The following SPPL3 variants were observed in gnomAD, a reference collection of about 807,000 sequenced individuals.
SPPL3 encodes the protein signal peptide peptidase like 3, also known as signal peptide peptidase-like 3.
Under a neutral mutation model 42.4 loss-of-function variants are expected in SPPL3, and 5 were observed. That is an observed-to-expected ratio of 0.12 (90% CI 0.06 to 0.25). The LOEUF (loss-of-function observed/expected upper bound fraction) is 0.25, where lower values mean the gene tolerates loss of function less well. SPPL3 is among the 10% of genes least tolerant of loss of function. The pLI is 1.00. For synonymous variants in SPPL3, 195 were observed against 181.8 expected (o/e 1.07, Z -0.58); for missense variants, 235 against 489.0 (o/e 0.48, Z 4.90).
At chr12:120,812,218 T>G (rs1263401104) in intron 1 of SPPL3, among the ~76,000 whole-genome samples, 1 of 151,684 alleles carries the variant, frequency 6.6e-6, no homozygotes, top group Non-Finnish European at 1.5e-5. Flanking sequence ...CACTGCAACC[T>G]CCGCCTCCTG....
intron 5 of SPPL3, 151 bp downstream of exon 5, chr12:120,783,523 G>A (rs1869612691): frequency 1.5e-6 from 1 of 648,172 alleles, no homozygotes; most frequent in African/African-American, 1.8e-5. Context: ...ACTAGCTTCT[G>A]GCTTTAAAGA....
At chr12:120,862,374 G>A (rs1319057248) in intron 1 of SPPL3, among the ~76,000 whole-genome samples, 1 of 152,114 alleles carries the variant, frequency 6.6e-6, no homozygotes, top group East Asian at 1.9e-4. Flanking sequence ...GGCCCTGCAT[G>A]TTAAGGGCTA....
At chr12:120,794,629 C>G (rs1040202460) in intron 2 of SPPL3, among the ~76,000 whole-genome samples, 1 of 152,108 alleles carries the variant, frequency 6.6e-6, no homozygotes, top group African/African-American at 2.4e-5. Context: ...AACTCCTGAC[C>G]TCATGATCCG....
intron 1 of SPPL3, among the ~76,000 whole-genome samples, chr12:120,826,372 T>C (rs1871233498): frequency 6.6e-6 from 1 of 151,600 alleles, no homozygotes; most frequent in Non-Finnish European, 1.5e-5. Context: ...TAGACCTACC[T>C]GCCTTGCCCT....
chr12:120,893,375 A>T (rs896782505), intron 1 of SPPL3, among the ~76,000 whole-genome samples: 1 of 152,158 alleles, frequency 6.6e-6, no homozygotes, highest in African/African-American at 2.4e-5. Flanking sequence ...GCGTGAAAAA[A>T]ATATATATTT....
chr12:120,879,938 A>T (rs1566068126), intron 1 of SPPL3, among the ~76,000 whole-genome samples: 1 of 151,868 alleles, frequency 6.6e-6, no homozygotes, highest in Non-Finnish European at 1.5e-5. Flanking sequence ...GAAGTTGGTG[A>T]TACTTGGAAT....
chr12:120,784,631 G>A (rs775138136), intron 3 of SPPL3, 38 bp from the exon 4 acceptor site: 1 of 1,550,566 alleles, frequency 6.4e-7, no homozygotes, highest in Non-Finnish European at 8.8e-7. Flanking sequence ...AACTTATTAT[G>A]CACCAGGCAC....
chr12:120,771,257 C>T (rs987302437), intron 6 of SPPL3, among the ~76,000 whole-genome samples: 9 of 152,232 alleles, frequency 5.9e-5, no homozygotes, highest in East Asian at 1.9e-4. Context: ...CCTGCTGTGA[C>T]GGTGACCCTT....
chr12:120,878,217 A>C (rs1235510648), intron 1 of SPPL3, among the ~76,000 whole-genome samples: 1 of 151,104 alleles, frequency 6.6e-6, no homozygotes, highest in Non-Finnish European at 1.5e-5. Context: ...AAAACAAAAA[A>C]CAAAAAACAA....
At chr12:120,812,558 G>A (rs528938760) in intron 1 of SPPL3, among the ~76,000 whole-genome samples, 1 of 152,330 alleles carries the variant, frequency 6.6e-6, no homozygotes, top group East Asian at 1.9e-4. Flanking sequence ...TGAAGTCATA[G>A]GTGTGTGTGA....
Position 120,838,141 on chromosome 12 carries a change from C to T in SPPL3, c.24-27255G>A, listed in dbSNP as rs572812328. Among the ~76,000 whole-genome samples, 66 of 152,244 alleles carry T rather than the reference C, an allele frequency of 4.3e-4. 1 individual carries two copies. Among genetic ancestry groups the T allele is most frequent in the African/African-American group, 1.6e-3 (65 of 41,544 alleles). The stretch of plus-strand genomic sequence containing the variant: ...AAAGCTATAAAATGCTTTACCAAAA[C>T]AAGGAAGAATAAAAGGACATAGACA... On this transcript the variant is annotated intron_variant, in intron 1 of 10. Transcript: ENST00000353487.
intron 1 of SPPL3, among the ~76,000 whole-genome samples, chr12:120,818,079 C>A (rs996371640): frequency 1.3e-5 from 2 of 152,152 alleles, no homozygotes; most frequent in African/African-American, 4.8e-5. Flanking sequence ...TCAGACTCTA[C>A]CAAAGCATCA....
chr12:120,814,625 A>G (rs960669195), intron 1 of SPPL3, among the ~76,000 whole-genome samples: 1 of 152,194 alleles, frequency 6.6e-6, no homozygotes, highest in Non-Finnish European at 1.5e-5. Context: ...TAGGTTATAT[A>G]TTCATACAAA....
At chr12:120,795,584 C>T (rs1347055770) in intron 2 of SPPL3, among the ~76,000 whole-genome samples, 11 of 151,962 alleles carry the variant, frequency 7.2e-5, no homozygotes, top group Non-Finnish European at 1.5e-5. Flanking sequence ...AATCTGACAT[C>T]ACCCTCATCT....
At position 120,800,750 on chromosome 12, in the gene SPPL3, A is replaced by T. The variant is rs1592968999; in HGVS notation, c.102-9193T>A. Among the ~76,000 whole-genome samples the T allele has an allele frequency of 2.0e-5, 3 of 152,204 alleles. No individual in the cohort carries two copies. The East Asian group carries it at 5.8e-4, about 29-fold the overall frequency. On this transcript the variant is annotated intron_variant, in intron 2 of 10. Transcript: ENST00000353487. ...GTCCAATTATTGATACTTACATAGA[A>T]CCTACACTAAGAAAGAAAGACTAAG...
chr12:120,803,204 A>C (rs1275333627), intron 2 of SPPL3, among the ~76,000 whole-genome samples: 1 of 152,196 alleles, frequency 6.6e-6, no homozygotes, highest in African/African-American at 2.4e-5. Flanking sequence ...TAGTAACAGG[A>C]GTGCTGGCAT....
intron 1 of SPPL3, among the ~76,000 whole-genome samples, chr12:120,836,892 G>A (rs1235948689): frequency 6.6e-6 from 1 of 152,124 alleles, no homozygotes; most frequent in Admixed American, 6.5e-5. Flanking sequence ...AGATAAATGG[G>A]TTGTATCAAT....
intron 6 of SPPL3, among the ~76,000 whole-genome samples, chr12:120,777,574 ACCCACCC>A (rs1869367584): frequency 6.7e-6 from 1 of 149,080 alleles, no homozygotes; most frequent in Non-Finnish European, 1.5e-5. Context: ...ATCAGCACTT[ACCCACCC>A]TTTTACCATA....
intron 1 of SPPL3, among the ~76,000 whole-genome samples, chr12:120,872,202 C>T (rs539272312): frequency 1.4e-4 from 22 of 152,232 alleles, no homozygotes; most frequent in Non-Finnish European, 2.5e-4. Context: ...AATGCAGAAC[C>T]CACAGATACA....
Sources: gnomAD v4.1 joint callset for allele counts (sites outside exome capture counted in the v4.1 genomes callset) on GRCh38, gnomAD v4.1.1 for gene constraint, MANE v1.5 for transcripts, NCBI Gene and HGNC (gene_info 2026-07-23, HGNC 2026-07-21) for gene names.